Variants in KLHL11 observed in about 807,000 individuals in gnomAD.
The protein encoded by KLHL11 is kelch like family member 11.
KLHL11 carries 26 observed loss-of-function variants against 56.1 expected under a neutral mutation model. That is an observed-to-expected ratio of 0.46 (90% CI 0.34 to 0.64). The LOEUF (loss-of-function observed/expected upper bound fraction) is 0.64, where lower values mean the gene tolerates loss of function less well. Among genes scored for constraint, KLHL11 ranks in the 30% least tolerant of loss-of-function variants. The probability of loss-of-function intolerance (pLI) is 0.01; values close to 1 mark genes in which losing one functional copy is unlikely to be tolerated. For missense variants in KLHL11, 627 were observed against 919.4 expected (o/e 0.68, Z 4.11); for synonymous variants, 338 against 345.8 (o/e 0.98, Z 0.25).
At chr17:41,861,233 T>G (rs1330147383) in intron 1 of KLHL11, among the ~76,000 whole-genome samples, 1 of 152,200 alleles carries the variant, frequency 6.6e-6, no homozygotes, top group Non-Finnish European at 1.5e-5. Context: ...GGCTCTCCCA[T>G]AACCTGTCTT....
Position 41,849,208 on chromosome 17 carries a change from G to A in KLHL11, c.*4532C>T, listed in dbSNP as rs950957935. 3 of 152,182 alleles carry A rather than the reference G, an allele frequency of 2.0e-5. No individual in the cohort carries two copies. The highest frequency in any genetic ancestry group is 2.1e-4 in the South Asian group (1 of 4,836). The allele number at this position is 152,182 out of a possible 1,614,324, so 9.4% of individuals were successfully genotyped here. ...TAAAGCACCCTCTGGTGTAGACAGA[G>A]TACTTGGTTTACAGTAATGTACAAC... On this transcript the variant is annotated 3_prime_UTR_variant, in exon 2 of 2. Transcript: ENST00000319121.
At position 41,853,690 on chromosome 17, in the gene KLHL11, C is replaced by A; in HGVS notation, c.*50G>T. 6.5e-7 allele frequency: 1 copy of A among 1,543,116 alleles called. No homozygotes were observed. The highest frequency in any genetic ancestry group is 8.7e-7 in the Non-Finnish European group (1 of 1,144,680). On this transcript the variant is annotated 3_prime_UTR_variant, in exon 2 of 2. Transcript: ENST00000319121. ...TTTTAAATAACAGCCTGGGTATCTT[C>A]AGCTTCACGAAACGGGTGTAACAGT...
intron 1 of KLHL11, among the ~76,000 whole-genome samples, chr17:41,862,749 TC>T (rs1331431610): frequency 6.6e-6 from 1 of 152,072 alleles, no homozygotes; most frequent in African/African-American, 2.4e-5. Context: ...GCCTACTCTC[TC>T]CCCGCTGCCC....
chr17:41,854,286 A>G lies in KLHL11; in HGVS notation c.1581T>C (p.Tyr527=), dbSNP rs2048350769. 2 of 1,614,116 alleles carry G rather than the reference A, an allele frequency of 1.2e-6. No individual in the cohort carries two copies. The highest frequency in any genetic ancestry group is 1.1e-5 in the South Asian group (1 of 91,088). Residue 527 remains tyrosine, a synonymous_variant, in exon 2 of 2, where the codon TAT becomes TAC. Transcript: ENST00000319121. The surrounding 1 kb of genome is among the most constrained non-coding windows in gnomAD (Gnocchi z 4.9). The stretch of plus-strand genomic sequence containing the variant: ...CTTGCCACTGTCGAGTCTCTGTATC[A>G]TAGCAAGTAATTACAGCCTTTAATC... The part of the protein sequence containing the change: ...EDGLKAVITC[Y]DTETRQWQDV...
rs1031746713 is a variant in KLHL11 at position 41,852,646 on chromosome 17, C to G, written c.*1094G>C. ...TCTCTACTAAAAGCACAAAAATTAG[C>G]CAGGCGTGATGGTGGGTACCTGTAA... On this transcript the variant is annotated 3_prime_UTR_variant, in exon 2 of 2. Transcript: ENST00000319121. Among the ~76,000 whole-genome samples, 5 of 151,898 alleles carry G rather than the reference C, an allele frequency of 3.3e-5. No homozygotes were observed. Among genetic ancestry groups the G allele is most frequent in the African/African-American group, 1.2e-4 (5 of 41,452 alleles).
chr17:41,849,519 A>ACAAAAG lies in KLHL11; in HGVS notation c.*4220_*4221insCTTTTG, dbSNP rs2048320441. On this transcript the variant is annotated 3_prime_UTR_variant, in exon 2 of 2. Transcript: ENST00000319121. The stretch of plus-strand genomic sequence containing the variant: ...TGACGGGTTTAAAAAACACAAAAGC[A>ACAAAAG]CACAAATCTTCCATAAACACTATCT... 6.6e-6 allele frequency: 1 copy of ACAAAAG among 152,198 alleles called. No individual in the cohort carries two copies. Among genetic ancestry groups the ACAAAAG allele is most frequent in the Admixed American group, 6.5e-5 (1 of 15,278 alleles). The allele number at this position is 152,198 out of a possible 1,614,324, so 9.4% of individuals were successfully genotyped here.
rs556805264 is a variant in KLHL11 at position 41,855,195 on chromosome 17, A to G, written c.672T>C (p.Ala224=). Residue 224 remains alanine (A), a synonymous_variant, in exon 2 of 2, where the codon GCT becomes GCC. Coordinates refer to ENST00000319121, the MANE Select transcript of KLHL11 (RefSeq NM_018143.3). ...MYTLSQLALK[A]ADMIRRNFHK... ...GGAAATTTCTCCGTATCATATCAGCAGCCTTCAGAGCAAGTTGGCTCAGGG... is the reference window on the plus strand; with the variant it reads ...GGAAATTTCTCCGTATCATATCAGCGGCCTTCAGAGCAAGTTGGCTCAGGG... 2.5e-6 allele frequency: 4 copies of G among 1,614,166 alleles called. No individual in the cohort carries two copies. The African/African-American group carries it at 5.3e-5, about 22-fold the overall frequency.
Position 41,865,075 on chromosome 17 carries a change from C to T in KLHL11, c.296G>A (p.Cys99Tyr). The change falls in exon 1 of 2, where the codon TGC becomes TAC. Residue 99 changes from cysteine to tyrosine, a missense_variant. By Grantham distance (194) the Cys-to-Tyr change is radical. Around this residue, in one of 4 missense-constraint regions of KLHL11, gnomAD observed 150 missense variants for 215.7 expected, o/e 0.70. Coordinates refer to ENST00000319121, the MANE Select transcript of KLHL11 (RefSeq NM_018143.3). ...RQGLFCDITLCFGGAGGREFR... is the reference protein window; with the variant it reads ...RQGLFCDITLYFGGAGGREFR... ...CTCGCGGCCTCCAGCCCCGCCGAAG[C>T]ACAGGGTAATGTCGCAGAAGAGGCC... 2 of 1,598,168 alleles carry T rather than the reference C, an allele frequency of 1.3e-6. No homozygotes were observed. The highest frequency in any genetic ancestry group is 8.5e-7 in the Non-Finnish European group (1 of 1,170,366).
intron 1 of KLHL11, 106 bp downstream of exon 1, chr17:41,864,718 ACT>A: frequency 8.7e-7 from 1 of 1,148,882 alleles, no homozygotes; most frequent in Admixed American, 3.5e-5. Flanking sequence ...CAATGCATTC[ACT>A]CAGGACTCGC....
At chr17:41,856,236 C>T (rs912199702) in intron 1 of KLHL11, among the ~76,000 whole-genome samples, 1 of 152,172 alleles carries the variant, frequency 6.6e-6, no homozygotes, top group Non-Finnish European at 1.5e-5. Context: ...AGCATCCACC[C>T]ACCTCAGCCT....
intron 1 of KLHL11, among the ~76,000 whole-genome samples, chr17:41,856,357 G>T (rs887039170): frequency 6.6e-5 from 10 of 151,992 alleles, no homozygotes; most frequent in Middle Eastern, 3.4e-3. Flanking sequence ...GTCTACACTG[G>T]TCTTGAACTC....
intron 1 of KLHL11, among the ~76,000 whole-genome samples, chr17:41,862,359 G>A (rs1285350040): frequency 1.3e-5 from 2 of 150,684 alleles, no homozygotes; most frequent in Non-Finnish European, 2.9e-5. Flanking sequence ...TGCAACCTCT[G>A]CCTCCTGGGT....
At chr17:41,856,286 G>A (rs1342994140) in intron 1 of KLHL11, among the ~76,000 whole-genome samples, 6 of 152,170 alleles carry the variant, frequency 3.9e-5, no homozygotes, top group Non-Finnish European at 7.3e-5. Flanking sequence ...CACTGTGCCT[G>A]GCCATGGCCT....
rs916443475 is a variant in KLHL11, at chr17:41,865,336, G to A, written c.35C>T (p.Ala12Val). 1.4e-6 allele frequency: 2 copies of A among 1,434,524 alleles called. No individual in the cohort carries two copies. Among genetic ancestry groups the A allele is most frequent in the South Asian group, 1.5e-5 (1 of 67,886 alleles). The allele number at this position is 1,434,524 out of a possible 1,614,324, so 88.9% of individuals were successfully genotyped here. A position where few individuals can be genotyped will look rare whatever the true frequency, so the allele number is the denominator to read the frequency against. ...AAAAVAAAAAAAAAASLQVLE... is the reference protein window; with the variant it reads ...AAAAVAAAAAVAAAASLQVLE... Reference sequence around the variant, plus strand: ...TACCTGAAGAGATGCAGCCGCGGCCGCCGCCGCCGCCGCCGCCACTGCCGC... The same window carrying A: ...TACCTGAAGAGATGCAGCCGCGGCCACCGCCGCCGCCGCCGCCACTGCCGC... The change falls in exon 1 of 2, where the codon GCG becomes GTG. Residue 12 changes from alanine to valine, a missense_variant. By Grantham distance (64) the Ala-to-Val change is moderately conservative. Transcript: ENST00000319121.
In KLHL11 at chr17:41,853,724, G is replaced by C. The variant is rs782701158; in HGVS notation, c.*16C>G. 73 of 1,590,322 alleles carry C rather than the reference G, an allele frequency of 4.6e-5. No individual in the cohort carries two copies. Among genetic ancestry groups the C allele is most frequent in the Non-Finnish European group, 5.5e-5 (64 of 1,165,522 alleles). Reference sequence around the variant, plus strand: ...GAAACGGGTGTAACAGTTTTAATCGGCACGCTTGAGAGAACCTAGCATTCA... The same window carrying C: ...GAAACGGGTGTAACAGTTTTAATCGCCACGCTTGAGAGAACCTAGCATTCA... On this transcript the variant is annotated 3_prime_UTR_variant, in exon 2 of 2. Transcript: ENST00000319121.
Position 41,852,160 on chromosome 17 carries a change from G to A in KLHL11, c.*1580C>T, listed in dbSNP as rs769572037. Among the ~76,000 whole-genome samples the A allele has an allele frequency of 1.7e-4, 26 of 151,948 alleles. No individual in the cohort carries two copies. Among genetic ancestry groups the A allele is most frequent in the Non-Finnish European group, 3.1e-4 (21 of 68,000 alleles). ...TTCAAGTAGGAAGGACTACAGGCAC[G>A]TGCCAGCTACCACACTCAGCTAATT... On this transcript the variant is annotated 3_prime_UTR_variant, in exon 2 of 2. Coordinates refer to ENST00000319121, the MANE Select transcript of KLHL11 (RefSeq NM_018143.3).
At chr17:41,863,451 C>G (rs531287772) in intron 1 of KLHL11, among the ~76,000 whole-genome samples, 1 of 152,148 alleles carries the variant, frequency 6.6e-6, no homozygotes, top group Non-Finnish European at 1.5e-5. Context: ...CCACCTCGGC[C>G]TCTCAAAGTG....
At chr17:41,862,572 GC>G (rs2048411093) in intron 1 of KLHL11, among the ~76,000 whole-genome samples, 1 of 151,840 alleles carries the variant, frequency 6.6e-6, no homozygotes, top group Non-Finnish European at 1.5e-5. Context: ...GAGCCACCGC[GC>G]CCGGCCTAAT....
At position 41,865,124 on chromosome 17, in the gene KLHL11, G is replaced by T. The variant is rs2048430847; in HGVS notation, c.247C>A (p.Arg83=). The change falls in exon 1 of 2, where the codon CGG becomes AGG. Residue 83 remains arginine (R), a synonymous_variant. Transcript: ENST00000319121. ...CCCTGGCGCCGCTGCTCGTTCTGCCGCCAGGACAGCTCTGAGCAGTGAGAG... is the reference window on the plus strand; with the variant it reads ...CCCTGGCGCCGCTGCTCGTTCTGCCTCCAGGACAGCTCTGAGCAGTGAGAG... ...CSSHCSELSW[R]QNEQRRQGLF... The T allele has an allele frequency of 6.2e-7, 1 of 1,608,572 alleles. No individual in the cohort carries two copies. The highest frequency in any genetic ancestry group is 8.5e-7 in the Non-Finnish European group (1 of 1,177,528).
Sources: gnomAD v4.1 joint callset for allele counts (sites outside exome capture counted in the v4.1 genomes callset) on GRCh38, gnomAD v4.1.1 for gene constraint, gnomAD v4.1.1 regional missense constraint, Gnocchi (gnomAD v3.1) non-coding constraint, MANE v1.5 for transcripts, NCBI Gene and HGNC (gene_info 2026-07-23, HGNC 2026-07-21) for gene names.